The following EIF2AK4 variants were observed in gnomAD, a reference collection of about 807,000 sequenced individuals.
EIF2AK4 encodes eukaryotic translation initiation factor 2 alpha kinase 4.
In EIF2AK4, 139 loss-of-function variants were observed where a neutral mutation model predicts 211.1. That is an observed-to-expected ratio of 0.66 (90% CI 0.57 to 0.76). The LOEUF is 0.76. Among genes scored for constraint, EIF2AK4 ranks in the 30% least tolerant of loss-of-function variants. EIF2AK4 has a pLI of 0.00. For synonymous variants in EIF2AK4, 710 were observed against 751.3 expected, an observed-to-expected ratio of 0.94 and a Z score of 0.90; for missense variants, 1,664 against 2,043.8, an observed-to-expected ratio of 0.81 and a Z score of 3.58.
chr15:39,974,298 C>G (rs1302521279), intron 11 of EIF2AK4: 1 of 151,908 alleles, frequency 6.6e-6, no homozygotes, highest in Non-Finnish European at 1.5e-5. Flanking sequence ...TATTATCTGC[C>G]CCTTGTAGAA....
At chr15:39,954,697 A>G (rs533183845) in intron 5 of EIF2AK4, among the ~76,000 whole-genome samples, 115 of 152,358 alleles carry the variant, frequency 7.5e-4, no homozygotes, top group African/African-American at 2.6e-3. Context: ...GTGAAAAAGG[A>G]TAGAGTGCTT....
chr15:40,030,442 C>A lies in EIF2AK4; in HGVS notation c.4645C>A (p.Arg1549Ser), dbSNP rs765082160. ...PEKLSASTRR[R>S]YETQVQTRLQ... ...GAAGCTGTCAGCCAGCACTAGGAGG[C>A]GCTATGAAACTCAGGTACACTGGGT... Residue 1549 changes from arginine to serine, a missense_variant, in exon 35 of 39, where the codon CGC (arginine) becomes AGC (serine). Coordinates refer to ENST00000263791, the MANE Select transcript of EIF2AK4 (RefSeq NM_001013703.4). 8.1e-6 allele frequency: 13 copies of A among 1,613,622 alleles called. No individual in the cohort carries two copies. The highest frequency in any genetic ancestry group is 1.3e-5 in the African/African-American group (1 of 74,844).
intron 7 of EIF2AK4, among the ~76,000 whole-genome samples, chr15:39,965,207 C>T (rs2034526279): frequency 6.6e-6 from 1 of 152,096 alleles, no homozygotes; most frequent in South Asian, 2.1e-4. Flanking sequence ...CTGCAACCTC[C>T]GCCTCCCAGG....
At chr15:39,978,823 A>G (rs1198219411) in intron 13 of EIF2AK4, among the ~76,000 whole-genome samples, 2 of 152,186 alleles carry the variant, frequency 1.3e-5, no homozygotes, top group African/African-American at 4.8e-5. Context: ...AGCTTTTGAA[A>G]AATACGAGTA....
chr15:39,955,800 TG>T, intron 6 of EIF2AK4, 32 bp downstream of exon 6: 1 of 1,560,536 alleles, frequency 6.4e-7, no homozygotes, highest in Non-Finnish European at 8.6e-7. Context: ...TCTGGGAGAA[TG>T]ACAGATGTAG....
In EIF2AK4 at chr15:39,961,762, ATTG is replaced by A; in HGVS notation, c.744-19_744-17del. On this transcript the variant is annotated intron_variant, in intron 6 of 38. Coordinates refer to ENST00000263791, the MANE Select transcript of EIF2AK4 (RefSeq NM_001013703.4). ...AAATGAAAAATGATTGTTCAAATGT[ATTG>A]TTCAAATTTATTTTTAAGGCGAGAA... The A allele has an allele frequency of 6.4e-7, 1 of 1,553,278 alleles. No individual in the cohort carries two copies. The highest frequency in any genetic ancestry group is 8.9e-7 in the Non-Finnish European group (1 of 1,129,272).
rs2291626 is a variant in EIF2AK4, at chr15:39,998,505, G to A, written c.2869-226G>A. On this transcript the variant is annotated intron_variant, in intron 19 of 38. Transcript: ENST00000263791. ...TCAAAGGTGCAGACAGCATTAGGAC[G>A]AAAGTGAAGAGTGAGGTTTGGGTGA... is the stretch of plus-strand genomic sequence containing the variant. Among the ~76,000 whole-genome samples the A allele has an allele frequency of 0.28, 42,612 of 151,922 alleles. 6,132 individuals carry two copies. Among genetic ancestry groups the A allele is most frequent in the South Asian group, 0.34 (1,651 of 4,828 alleles).
chr15:39,955,081 T>G (rs978120949), intron 5 of EIF2AK4, among the ~76,000 whole-genome samples: 10 of 152,238 alleles, frequency 6.6e-5, no homozygotes, highest in Admixed American at 5.9e-4. Flanking sequence ...TTTCCACCAG[T>G]GCTCCTGTCT....
At chr15:40,029,544 G>C in intron 34 of EIF2AK4, 80 bp downstream of exon 34, 1 of 1,389,310 alleles carries the variant, frequency 7.2e-7, no homozygotes, top group Non-Finnish European at 9.9e-7. Flanking sequence ...CTAACTGCTT[G>C]TGACACTGGA....
intron 20 of EIF2AK4, among the ~76,000 whole-genome samples, chr15:39,998,993 A>G (rs1293402241): frequency 6.6e-6 from 1 of 152,230 alleles, no homozygotes; most frequent in Admixed American, 6.5e-5. Flanking sequence ...GAAAATTAAC[A>G]AACTGCAGGG....
intron 1 of EIF2AK4, among the ~76,000 whole-genome samples, chr15:39,936,371 C>T (rs2034064272): frequency 6.6e-6 from 1 of 152,170 alleles, no homozygotes; most frequent in South Asian, 2.1e-4. Context: ...TTATTATCAC[C>T]TGCTATTTGC....
At chr15:40,033,337 T>A (rs1226382228) in intron 37 of EIF2AK4, among the ~76,000 whole-genome samples, 1 of 152,228 alleles carries the variant, frequency 6.6e-6, no homozygotes, top group Non-Finnish European at 1.5e-5. Flanking sequence ...ATTTGCAGAT[T>A]AGTACTATAC....
intron 8 of EIF2AK4, 53 bp from the exon 9 acceptor site, chr15:39,967,291 C>A: frequency 6.7e-7 from 1 of 1,494,398 alleles, no homozygotes; most frequent in Non-Finnish European, 8.9e-7. Context: ...AAATGAAACC[C>A]AAGTTAATGT....
In EIF2AK4 at chr15:39,956,028, C is replaced by T. The variant is rs569456039; in HGVS notation, c.743+260C>T. Reference sequence around the variant, plus strand: ...CCTTTTTTTTTTTTTTTTTTTGAGACGGTGTCTCGCTCTGTCACCCAGGCT... The same window carrying T: ...CCTTTTTTTTTTTTTTTTTTTGAGATGGTGTCTCGCTCTGTCACCCAGGCT... On this transcript the variant is annotated intron_variant, in intron 6 of 38. Transcript: ENST00000263791. Among the ~76,000 whole-genome samples, 17 of 123,202 alleles carry T rather than the reference C, an allele frequency of 1.4e-4. No homozygotes were observed. The South Asian group carries it at 3.8e-3, about 27-fold the overall frequency. 80.8% of individuals were successfully genotyped at this position (123,202 alleles called of 152,430 possible).
At position 39,949,248 on chromosome 15, in the gene EIF2AK4, A is replaced by G. The variant is rs375580220; in HGVS notation, c.493A>G (p.Lys165Glu). 1 of 1,613,944 alleles carries G rather than the reference A, an allele frequency of 6.2e-7. No homozygotes were observed. Among genetic ancestry groups the G allele is most frequent in the African/African-American group, 1.3e-5 (1 of 74,902 alleles). ...GGAGCAGCAGAGGCTGTTGGAGGCC[A>G]AGCGGAAAGAAGAGCAGGAGGTGAG... ...QEEQQRLLEA[K>E]RKEEQEQREI... Residue 165 changes from lysine to glutamate, a missense_variant, in exon 4 of 39, where the codon AAG becomes GAG. Lys to Glu is a moderately conservative substitution (Grantham distance 56). Around this residue, in one of 7 missense-constraint regions of EIF2AK4, gnomAD observed 641 missense variants for 729.6 expected, o/e 0.88. Coordinates refer to ENST00000263791, the MANE Select transcript of EIF2AK4 (RefSeq NM_001013703.4).
At chr15:39,938,538 C>G (rs1330228095) in intron 1 of EIF2AK4, among the ~76,000 whole-genome samples, 1 of 152,158 alleles carries the variant, frequency 6.6e-6, no homozygotes, top group Non-Finnish European at 1.5e-5. Context: ...TAGGCTTTCT[C>G]TTTTCTGATG....
chr15:40,024,453 G>C (rs1386555233), intron 32 of EIF2AK4, among the ~76,000 whole-genome samples: 1 of 140,782 alleles, frequency 7.1e-6, no homozygotes, highest in African/African-American at 2.7e-5. Context: ...CTGTCACGCA[G>C]GCTGGAGTGC....
At chr15:39,973,777 C>A (rs911832000) in intron 11 of EIF2AK4, 28 bp downstream of exon 11, 2 of 1,610,706 alleles carry the variant, frequency 1.2e-6, no homozygotes, top group Non-Finnish European at 1.7e-6. Context: ...TCCCAGTCCC[C>A]TTTAGAGCTC....
chr15:40,007,624 C>T (rs772282461), intron 24 of EIF2AK4, among the ~76,000 whole-genome samples: 6 of 152,216 alleles, frequency 3.9e-5, no homozygotes, highest in Admixed American at 6.5e-5. Context: ...GTATTGTTGT[C>T]AATGAGGCAC....
Sources: gnomAD v4.1 joint callset for allele counts (sites outside exome capture counted in the v4.1 genomes callset) on GRCh38, gnomAD v4.1.1 for gene constraint, gnomAD v4.1.1 regional missense constraint, MANE v1.5 for transcripts, NCBI Gene and HGNC (gene_info 2026-07-23, HGNC 2026-07-21) for gene names.